The following SLC15A5 variants were observed in gnomAD, a reference collection of about 807,000 sequenced individuals.
SLC15A5 encodes Peptide/histidine transporter ENSP00000340402.
Under a neutral mutation model 56.1 loss-of-function variants are expected in SLC15A5, and 58 were observed. That is an observed-to-expected ratio of 1.03 (90% CI 0.84 to 1.29). The LOEUF (loss-of-function observed/expected upper bound fraction) is 1.29. SLC15A5 is among the 50% of genes most tolerant of loss of function. The pLI, the probability that SLC15A5 is intolerant of heterozygous loss-of-function variation, is 0.00. For synonymous variants in SLC15A5, 264 were observed against 250.5 expected, an observed-to-expected ratio of 1.05 and a Z score of -0.51; for missense variants, 681 against 672.1, an observed-to-expected ratio of 1.01 and a Z score of -0.15.
Position 16,257,831 on chromosome 12 carries a change from A to G in SLC15A5, c.624T>C (p.Phe208=). 2.0e-6 allele frequency: 3 copies of G among 1,514,926 alleles called. No homozygotes were observed. Among genetic ancestry groups the G allele is most frequent in the Non-Finnish European group, 1.8e-6 (2 of 1,139,508 alleles). 93.8% of individuals were successfully genotyped at this position (1,514,926 alleles called of 1,614,324 possible). Residue 208 remains phenylalanine (F), a synonymous_variant, in exon 3 of 9, where the codon TTT becomes TTC. Transcript: ENST00000344941. ...AGTGCTGGATGTAAGATATTCCCAG[A>G]AACACAATAGTTGCATTTAGGTTCA... ...WLMNLNATIV[F]LGISYIQHSQ... is the part of the protein sequence containing the mutation.
At chr12:16,259,028 T>TTTTTTTTTTTCTTTCC in intron 2 of SLC15A5, among the ~76,000 whole-genome samples, 1 of 12,490 alleles carries the variant, frequency 8.0e-5, no homozygotes, top group Non-Finnish European at 1.6e-4. Context: ...TCTTTCCTTT[T>TTTTTTTTTTTCTTTCC]TTTTTTTTTT....
chr12:16,240,769 T>C (rs957042240), intron 4 of SLC15A5, among the ~76,000 whole-genome samples: 1 of 152,128 alleles, frequency 6.6e-6, no homozygotes, highest in African/African-American at 2.4e-5. Context: ...ACTTTTCTAG[T>C]ACATGAGCTT....
intron 3 of SLC15A5, among the ~76,000 whole-genome samples, chr12:16,256,866 A>T (rs929269888): frequency 1.0e-4 from 11 of 105,246 alleles, no homozygotes; most frequent in South Asian, 7.3e-4. Context: ...CTCAAAAAAA[A>T]AAAATAATAA....
At position 16,233,614 on chromosome 12, in the gene SLC15A5, C is replaced by T. The variant is rs533295451; in HGVS notation, c.1162+6067G>A. Among the ~76,000 whole-genome samples the T allele has an allele frequency of 1.4e-4, 21 of 152,294 alleles. No homozygotes were observed. The South Asian group carries it at 2.7e-3, about 20-fold the overall frequency. On this transcript the variant is annotated intron_variant, in intron 5 of 8. Transcript: ENST00000344941. The stretch of plus-strand genomic sequence containing the variant: ...CTTTTATTACCTGTTACTGAACTTT[C>T]GTTCTGGCCTAGAGAGAAATTGTGG...
At chr12:16,209,683 C>G (rs910218870) in intron 7 of SLC15A5, among the ~76,000 whole-genome samples, 1 of 152,112 alleles carries the variant, frequency 6.6e-6, no homozygotes, top group Non-Finnish European at 1.5e-5. Context: ...CTGACACTAC[C>G]TCCTCCCTCT....
At chr12:16,208,454 T>A (rs1864042918) in intron 7 of SLC15A5, among the ~76,000 whole-genome samples, 1 of 152,200 alleles carries the variant, frequency 6.6e-6, no homozygotes. Context: ...GAGGATCTTT[T>A]GAGGCAAGGA....
intron 7 of SLC15A5, among the ~76,000 whole-genome samples, chr12:16,211,684 T>C (rs937098638): frequency 1.3e-5 from 2 of 152,230 alleles, no homozygotes; most frequent in Admixed American, 6.5e-5. Flanking sequence ...TCTGACTGAC[T>C]TCTTCATTCC....
chr12:16,202,930 G>T (rs1419884287), intron 7 of SLC15A5, among the ~76,000 whole-genome samples: 1 of 152,064 alleles, frequency 6.6e-6, no homozygotes, highest in Non-Finnish European at 1.5e-5. Context: ...CAGAAGCAGA[G>T]AGTAGAATGG....
At chr12:16,198,768 T>C (rs1047989610) in intron 7 of SLC15A5, among the ~76,000 whole-genome samples, 1 of 152,138 alleles carries the variant, frequency 6.6e-6, no homozygotes, top group Non-Finnish European at 1.5e-5. Context: ...TGAAACTGGA[T>C]TGAGAAACAT....
In SLC15A5 at chr12:16,272,595, A is replaced by G. The variant is rs1864771641; in HGVS notation, c.550T>C (p.Tyr184His). The change falls in exon 2 of 9, where the codon TAT becomes CAT. Residue 184 changes from tyrosine to histidine, a missense_variant. By Grantham distance (83) the Tyr-to-His change is moderately conservative. Transcript: ENST00000344941. ...AAAGACATCGTTTTTTGTGATCCAT[A>G]CTCCTGAAGGCCAAAAGCACCCAGT... ...CPLGAFGLQE[Y>H]GSQKTMSFFN... 3 of 1,536,808 alleles carry G rather than the reference A, an allele frequency of 2.0e-6. No homozygotes were observed. The highest frequency in any genetic ancestry group is 2.4e-5 in the South Asian group (2 of 84,054).
intron 6 of SLC15A5, among the ~76,000 whole-genome samples, chr12:16,220,235 T>C (rs539578858): frequency 1.3e-5 from 2 of 152,322 alleles, no homozygotes; most frequent in South Asian, 2.1e-4. Context: ...GTTATCAGAC[T>C]ATATCATCTA....
At chr12:16,275,562 AT>A (rs1294003454) in intron 1 of SLC15A5, among the ~76,000 whole-genome samples, 1 of 151,974 alleles carries the variant, frequency 6.6e-6, no homozygotes, top group Admixed American at 6.6e-5. Flanking sequence ...AGAAAGCTGC[AT>A]TTTTTCAGCT....
At chr12:16,272,512 A>G (rs1461202843) in intron 2 of SLC15A5, 49 bp downstream of exon 2, 1 of 1,494,050 alleles carries the variant, frequency 6.7e-7, no homozygotes, top group African/African-American at 1.4e-5. Context: ...GAAAGTAAAC[A>G]GTGAGAATGG....
At chr12:16,238,864 GC>G (rs1864380883) in intron 5 of SLC15A5, among the ~76,000 whole-genome samples, 1 of 152,136 alleles carries the variant, frequency 6.6e-6, no homozygotes, top group Non-Finnish European at 1.5e-5. Flanking sequence ...CATTTATAGA[GC>G]TTTTGCTATG....
chr12:16,230,918 G>A (rs1295593585), intron 5 of SLC15A5, among the ~76,000 whole-genome samples: 5 of 115,920 alleles, frequency 4.3e-5, no homozygotes, highest in South Asian at 4.0e-4. Context: ...GCAAGACTCC[G>A]TCTCAAAAAA....
At chr12:16,197,718 T>C (rs1434428640) in intron 7 of SLC15A5, among the ~76,000 whole-genome samples, 1 of 150,700 alleles carries the variant, frequency 6.6e-6, no homozygotes, top group Non-Finnish European at 1.5e-5. Flanking sequence ...CTTGGGTCTG[T>C]CTCCTATAAG....
intron 7 of SLC15A5, among the ~76,000 whole-genome samples, chr12:16,203,982 C>CT (rs1863988985): frequency 6.6e-6 from 1 of 151,892 alleles, no homozygotes; most frequent in Non-Finnish European, 1.5e-5. Context: ...TATAAAATGT[C>CT]TATGATAATT....
chr12:16,272,208 A>C (rs1452084492), intron 2 of SLC15A5, among the ~76,000 whole-genome samples: 1 of 152,164 alleles, frequency 6.6e-6, no homozygotes, highest in Non-Finnish European at 1.5e-5. Flanking sequence ...GAGGTAGAGA[A>C]TAAATGACTA....
chr12:16,227,828 T>G (rs2136250985), intron 5 of SLC15A5, among the ~76,000 whole-genome samples: 1 of 152,250 alleles, frequency 6.6e-6, no homozygotes, highest in Non-Finnish European at 1.5e-5. Flanking sequence ...TGCTGGTTGG[T>G]AGAATAGGAA....
Sources: gnomAD v4.1 joint callset for allele counts (sites outside exome capture counted in the v4.1 genomes callset) on GRCh38, gnomAD v4.1.1 for gene constraint, MANE v1.5 for transcripts, NCBI Gene and HGNC (gene_info 2026-07-23, HGNC 2026-07-21) for gene names.